The following HYCC1 variants were observed in gnomAD, a reference collection of about 807,000 sequenced individuals.
HYCC1 encodes the protein hyccin.
At chr7:22,914,948 G>A in the HYCC1 span, among the ~76,000 whole-genome samples, 3 of 152,176 alleles carry the variant, frequency 2.0e-5, no homozygotes, top group Non-Finnish European at 2.9e-5. Flanking sequence ...TTAAAGAGGT[G>A]GCCGGAGCTG....
chr7:22,920,964 C>G, the HYCC1 span, among the ~76,000 whole-genome samples: 2 of 152,180 alleles, frequency 1.3e-5, no homozygotes, highest in African/African-American at 4.8e-5. Context: ...CTTGCTCCCT[C>G]TCTTGCCATG....
At chr7:22,930,283 G>A in the HYCC1 span, among the ~76,000 whole-genome samples, 16 of 147,430 alleles carry the variant, frequency 1.1e-4, no homozygotes, top group East Asian at 1.6e-3. Context: ...CATGGCACAT[G>A]TATACATATG....
chr7:22,919,087 C>T, the HYCC1 span, among the ~76,000 whole-genome samples: 1 of 152,104 alleles, frequency 6.6e-6, no homozygotes, highest in African/African-American at 2.4e-5. Flanking sequence ...AATTCTGAGA[C>T]ATGCAAAGAA....
chr7:22,936,627 T>C, the HYCC1 span: 1 of 152,230 alleles, frequency 6.6e-6, no homozygotes, highest in East Asian at 1.9e-4. Flanking sequence ...TCCAATCTTA[T>C]TACGTCTGTG....
chr7:22,909,906 G>C, the HYCC1 span, among the ~76,000 whole-genome samples: 1 of 152,170 alleles, frequency 6.6e-6, no homozygotes, highest in Non-Finnish European at 1.5e-5. Flanking sequence ...AAATAATCAT[G>C]ACCCTCACAT....
the HYCC1 span, among the ~76,000 whole-genome samples, chr7:22,921,922 T>C: frequency 6.6e-6 from 1 of 152,024 alleles, no homozygotes; most frequent in Non-Finnish European, 1.5e-5. Flanking sequence ...CTGACTCTGA[T>C]AGGTTAATAT....
At chr7:23,003,114 G>T in the HYCC1 span, among the ~76,000 whole-genome samples, 1 of 152,068 alleles carries the variant, frequency 6.6e-6, no homozygotes, top group Non-Finnish European at 1.5e-5. Flanking sequence ...TGGGGGTTAG[G>T]CCTTCAACTT....
the HYCC1 span, among the ~76,000 whole-genome samples, chr7:22,897,524 C>A: frequency 6.6e-5 from 10 of 152,178 alleles, no homozygotes; most frequent in African/African-American, 2.4e-4. Flanking sequence ...ACAGTAGCAA[C>A]AATTGCACGG....
the HYCC1 span, among the ~76,000 whole-genome samples, chr7:23,005,865 T>C: frequency 3.9e-5 from 6 of 152,224 alleles, no homozygotes; most frequent in African/African-American, 2.4e-5. Context: ...TCTTCCCTTC[T>C]TCCCCCATCC....
At chr7:22,951,440 A>G in the HYCC1 span, among the ~76,000 whole-genome samples, 6 of 151,936 alleles carry the variant, frequency 3.9e-5, no homozygotes. Flanking sequence ...TTAAAAATAT[A>G]ATTTATTATT....
At chr7:23,011,056 A>G in the HYCC1 span, among the ~76,000 whole-genome samples, 1 of 152,178 alleles carries the variant, frequency 6.6e-6, no homozygotes, top group Non-Finnish European at 1.5e-5. Context: ...ACCTCCTTAC[A>G]GCATTCAAAA....
the HYCC1 span, chr7:22,939,375 G>C: frequency 1.3e-5 from 2 of 152,044 alleles, no homozygotes; most frequent in Non-Finnish European, 2.9e-5. Context: ...CTACAGTCCT[G>C]CTAATCATCT....
chr7:22,955,724 T>C, the HYCC1 span, among the ~76,000 whole-genome samples: 1 of 151,422 alleles, frequency 6.6e-6, no homozygotes, highest in African/African-American at 2.4e-5. Flanking sequence ...GAGGAAGGAA[T>C]GGAAAAACAC....
the HYCC1 span, among the ~76,000 whole-genome samples, chr7:22,923,960 C>T: frequency 7.2e-6 from 1 of 138,898 alleles, no homozygotes; most frequent in African/African-American, 2.7e-5. Flanking sequence ...AGTTCAAGAT[C>T]AGCCTGGCCA....
the HYCC1 span, among the ~76,000 whole-genome samples, chr7:22,929,334 G>T: frequency 6.4e-4 from 98 of 152,288 alleles, no homozygotes; most frequent in East Asian, 0.018. Flanking sequence ...AGTGAAAATT[G>T]ACAAATGGGA....
chr7:22,909,316 C>G, the HYCC1 span, among the ~76,000 whole-genome samples: 225 of 152,250 alleles, frequency 1.5e-3, no homozygotes, highest in African/African-American at 5.2e-3. Flanking sequence ...TGTGAGACAC[C>G]TGCTCCCCCT....
the HYCC1 span, among the ~76,000 whole-genome samples, chr7:22,951,824 TAACTA>T: frequency 1.3e-5 from 2 of 151,782 alleles, no homozygotes; most frequent in Non-Finnish European, 2.9e-5. Flanking sequence ...CTGACAATAT[TAACTA>T]AACAAAAACA....
the HYCC1 span, among the ~76,000 whole-genome samples, chr7:22,978,972 C>A: frequency 6.6e-6 from 1 of 152,044 alleles, no homozygotes. Flanking sequence ...AAGGTAAGAC[C>A]CTCTTATAGG....
the HYCC1 span, chr7:22,942,081 T>C: frequency 4.6e-5 from 7 of 152,334 alleles, no homozygotes; most frequent in East Asian, 1.3e-3. Flanking sequence ...TAAAATTATG[T>C]CTCAGAGTAC....
Sources: gnomAD v4.1 joint callset for allele counts (sites outside exome capture counted in the v4.1 genomes callset) on GRCh38, gnomAD v4.1.1 for gene constraint, MANE v1.5 for transcripts, NCBI Gene and HGNC (gene_info 2026-07-23, HGNC 2026-07-21) for gene names.